Variants in ATIC observed in about 807,000 individuals in gnomAD.
ATIC encodes the protein bifunctional purine biosynthesis protein ATIC.
In ATIC, 64 loss-of-function variants were observed where a neutral mutation model predicts 72.5. The observed-to-expected ratio is 0.88, with a 90% CI of 0.72 to 1.09. The LOEUF (loss-of-function observed/expected upper bound fraction) is 1.09, where lower values mean the gene tolerates loss of function less well. ATIC is among the 50% of genes least tolerant of loss of function. The pLI is 0.00. For synonymous variants in ATIC, 281 were observed against 267.1 expected, an observed-to-expected ratio of 1.05 and a Z score of -0.51; for missense variants, 787 against 732.4, an observed-to-expected ratio of 1.07 and a Z score of -0.86.
chr2:215,342,829 G>A (rs1038618891), intron 12 of ATIC, among the ~76,000 whole-genome samples: 1 of 152,156 alleles, frequency 6.6e-6, no homozygotes, highest in African/African-American at 2.4e-5. Context: ...ACAGGCATGC[G>A]GCACCACACC....
chr2:215,345,167 TC>T lies in ATIC; in HGVS notation c.1320+298del, dbSNP rs1264476831. On this transcript the variant is annotated intron_variant, in intron 13 of 15. Transcript: ENST00000236959. ...TGTTACAAAACTGGATTATTTCCTTTCCTTTTCCCCCATTGGTATTATTTCC... is the reference window on the plus strand; with the variant it reads ...TGTTACAAAACTGGATTATTTCCTTTCTTTTCCCCCATTGGTATTATTTCC... 13 of 427,130 alleles carry T rather than the reference TC, an allele frequency of 3.0e-5. No homozygotes were observed. The Admixed American group carries it at 4.7e-4, about 15-fold the overall frequency. 26.5% of individuals were successfully genotyped at this position (427,130 alleles called of 1,614,324 possible). A position where few individuals can be genotyped will look rare whatever the true frequency, so the allele number is the denominator to read the frequency against.
the ATIC span, among the ~76,000 whole-genome samples, chr2:215,357,201 A>T: frequency 6.6e-6 from 1 of 152,210 alleles, no homozygotes; most frequent in Non-Finnish European, 1.5e-5. Flanking sequence ...CTCCTGGCAA[A>T]GGCAGTGCTT....
At chr2:215,325,840 C>G in intron 5 of ATIC, 147 bp from the exon 6 acceptor site, 1 of 959,950 alleles carries the variant, frequency 1.0e-6, no homozygotes, top group Non-Finnish European at 1.6e-6. Flanking sequence ...TGCTGGGATT[C>G]CAGGCATGAG....
chr2:215,325,534 G>T (rs1161050117), intron 5 of ATIC, among the ~76,000 whole-genome samples: 1 of 151,322 alleles, frequency 6.6e-6, no homozygotes, highest in Non-Finnish European at 1.5e-5. Flanking sequence ...ATGCATCTGG[G>T]TTATTTTCCT....
rs770954499 is a variant in ATIC at position 215,338,808 on chromosome 2, T to A, written c.1128T>A (p.Asn376Lys). The change falls in exon 12 of 16, where the codon AAT (asparagine) becomes AAA (lysine). Residue 376 changes from asparagine (N) to lysine (K), a missense_variant. Asn to Lys is a moderately conservative substitution (Grantham distance 94, BLOSUM62 0). Transcript: ENST00000236959. ...ACCAATCTTACAAACCAGATGAAAA[T>A]GAAGTTCGAACTCTCTTTGGTCTTC... ...QMDQSYKPDE[N>K]EVRTLFGLHL... 11 of 1,613,680 alleles carry A rather than the reference T, an allele frequency of 6.8e-6. No individual in the cohort carries two copies. In the Admixed American group the frequency reaches 1.2e-4, roughly 17 times the overall value.
At chr2:215,329,458 GGCTTATTT>G (rs2052866110) in intron 7 of ATIC, among the ~76,000 whole-genome samples, 1 of 152,036 alleles carries the variant, frequency 6.6e-6, no homozygotes, top group African/African-American at 2.4e-5. Flanking sequence ...CCCCAACATG[GGCTTATTT>G]CCACAATAGA....
At chr2:215,331,471 C>T (rs2052894262) in intron 7 of ATIC, among the ~76,000 whole-genome samples, 1 of 151,226 alleles carries the variant, frequency 6.6e-6, no homozygotes, top group Non-Finnish European at 1.5e-5. Flanking sequence ...CAACCTCCAC[C>T]TTCCAGGTTC....
In ATIC at chr2:215,346,904, A is replaced by G. The variant is rs188997281; in HGVS notation, c.1466A>G (p.Asn489Ser). The G allele has an allele frequency of 1.4e-4, 222 of 1,614,238 alleles. No homozygotes were observed. The East Asian group carries it at 1.6e-3, about 12-fold the overall frequency. ...KTGVKRAEIS[N>S]AIDQYVTGTI... ...GGAGTGAAGAGAGCAGAAATCTCCA[A>G]TGCCATCGATCAATATGTGACTGGA... The change falls in exon 14 of 16, where the codon AAT becomes AGT. Residue 489 changes from asparagine to serine, a missense_variant. Coordinates refer to ENST00000236959, the MANE Select transcript of ATIC (RefSeq NM_004044.7).
intron 14 of ATIC, chr2:215,347,503 C>T: frequency 2.2e-6 from 1 of 454,152 alleles, no homozygotes; most frequent in South Asian, 1.7e-5. Context: ...AAGATCTAGC[C>T]CAGTTTCTGG....
chr2:215,319,751 C>CT lies in ATIC; in HGVS notation c.290+24dup. The CT allele has an allele frequency of 6.3e-7, 1 of 1,578,966 alleles. No homozygotes were observed. On this transcript the variant is annotated intron_variant, in intron 4 of 15. Transcript: ENST00000236959. ...TATAAGGTAAAAACCTGAAATTAAA[C>CT]TTTTAACACATTACGAACCAACGAC...
the ATIC span, among the ~76,000 whole-genome samples, chr2:215,365,963 G>A: frequency 1.6e-5 from 2 of 121,450 alleles, no homozygotes; most frequent in African/African-American, 3.1e-5. Context: ...TCCCCACAGT[G>A]CTATTTTTTT....
chr2:215,335,018 C>T lies in ATIC; in HGVS notation c.1008+14C>T, dbSNP rs927156291. On this transcript the variant is annotated intron_variant, in intron 10 of 15. Coordinates refer to ENST00000236959, the MANE Select transcript of ATIC (RefSeq NM_004044.7). ...ATTTCCAGAGAAGTTAGTGGACATTCATGTATCTTAATCTGTGTGTTGAAT... is the reference window on the plus strand; with the variant it reads ...ATTTCCAGAGAAGTTAGTGGACATTTATGTATCTTAATCTGTGTGTTGAAT... The T allele has an allele frequency of 4.4e-6, 7 of 1,587,144 alleles. No homozygotes were observed. Among genetic ancestry groups the T allele is most frequent in the South Asian group, 3.3e-5 (3 of 90,450 alleles).
chr2:215,334,402 G>A (rs1057078418), intron 9 of ATIC, among the ~76,000 whole-genome samples: 6 of 151,826 alleles, frequency 4.0e-5, no homozygotes, highest in African/African-American at 1.5e-4. Flanking sequence ...CACCATGTTG[G>A]CCAGGCTGGT....
At chr2:215,360,764 C>T in the ATIC span, 15 of 152,582 alleles carry the variant, frequency 9.8e-5, no homozygotes, top group African/African-American at 3.4e-4. Context: ...ATTAGACTTG[C>T]ACATCATAGA....
the ATIC span, among the ~76,000 whole-genome samples, chr2:215,359,737 T>A: frequency 1.2e-5 from 1 of 80,652 alleles, no homozygotes; most frequent in African/African-American, 3.4e-5. Flanking sequence ...GAGTTAGTAT[T>A]TTTTTTTTTC....
chr2:215,344,921 G>A (rs774932590), intron 13 of ATIC, 50 bp downstream of exon 13: 6 of 1,545,922 alleles, frequency 3.9e-6, no homozygotes, highest in South Asian at 2.3e-5. Context: ...TTTACGAAAT[G>A]ATATTTAAAC....
chr2:215,368,056 A>C, the ATIC span: 26 of 1,612,178 alleles, frequency 1.6e-5, no homozygotes, highest in Non-Finnish European at 2.2e-5. Context: ...AAAAGCAAAA[A>C]GAGACATCTT....
At position 215,344,841 on chromosome 2, in the gene ATIC, T is replaced by G. The variant is rs1442404139; in HGVS notation, c.1290T>G (p.Ser430=). Residue 430 remains serine, a synonymous_variant, in exon 13 of 16, where the codon TCT becomes TCG. Coordinates refer to ENST00000236959, the MANE Select transcript of ATIC (RefSeq NM_004044.7). ...VATIAVKYTQ[S]NSVCYAKNGQ... ...CCATTGCTGTCAAGTACACTCAGTC[T>G]AACTCTGTGTGCTACGCCAAGAACG... 6.2e-7 allele frequency: 1 copy of G among 1,614,102 alleles called. No individual in the cohort carries two copies. Among genetic ancestry groups the G allele is most frequent in the Non-Finnish European group, 8.5e-7 (1 of 1,180,020 alleles).
intron 7 of ATIC, 48 bp downstream of exon 7, chr2:215,327,026 T>TA: frequency 1.2e-6 from 2 of 1,611,304 alleles, no homozygotes; most frequent in African/African-American, 2.7e-5. Flanking sequence ...CTGGAGAGTG[T>TA]GTGTTTCTCT....
Sources: gnomAD v4.1 joint callset for allele counts (sites outside exome capture counted in the v4.1 genomes callset) on GRCh38, gnomAD v4.1.1 for gene constraint, MANE v1.5 for transcripts, NCBI Gene and HGNC (gene_info 2026-07-23, HGNC 2026-07-21) for gene names.